The following NDUFA3 variants were observed in gnomAD, a reference collection of about 807,000 sequenced individuals.
NDUFA3 encodes NADH dehydrogenase [ubiquinone] 1 alpha subcomplex subunit 3.
Under a neutral mutation model 11.4 loss-of-function variants are expected in NDUFA3, and 10 were observed. The ratio of observed to expected loss-of-function variants is 0.87; its 90% CI spans 0.54 to 1.48. The LOEUF is 1.48. Ranked by LOEUF, NDUFA3 falls within the 40% of genes most tolerant of loss-of-function variation. The pLI is 0.00. For missense variants in NDUFA3, 115 were observed against 110.5 expected, an observed-to-expected ratio of 1.04 and a Z score of -0.18; for synonymous variants, 39 against 46.9, an observed-to-expected ratio of 0.83 and a Z score of 0.68.
chr19:54,105,670 C>T (rs1289509085), intron 2 of NDUFA3: 4 of 684,086 alleles, frequency 5.8e-6, no homozygotes, highest in Non-Finnish European at 1.1e-5. Context: ...CCATGACCAA[C>T]CCCACTGCTG....
intron 1 of NDUFA3, 51 bp from the exon 2 acceptor site, chr19:54,103,063 G>A (rs1309795059): frequency 5.0e-6 from 8 of 1,592,860 alleles, no homozygotes; most frequent in African/African-American, 1.3e-5. Context: ...AGGGTTAGAG[G>A]TCACCGGGGG....
rs1485693369 is a variant in NDUFA3 at position 54,107,204 on chromosome 19, T to C, written c.*302T>C. 1.9e-6 allele frequency: 3 copies of C among 1,584,592 alleles called. No individual in the cohort carries two copies. In the African/African-American group the frequency reaches 4.1e-5, roughly 22 times the overall value. On this transcript the variant is annotated 3_prime_UTR_variant, in exon 4 of 4. Transcript: ENST00000485876. The stretch of plus-strand genomic sequence containing the variant: ...ATAAGGAACAAGGTGTTAACAGGCC[T>C]GGGAATCTAGAAAATCCCATCAGCT...
rs2073306534 is a variant in NDUFA3 at position 54,107,542 on chromosome 19, C to T, written c.*640C>T. 3.4e-6 allele frequency: 1 copy of T among 297,602 alleles called. No individual in the cohort carries two copies. The highest frequency in any genetic ancestry group is 6.3e-6 in the Non-Finnish European group (1 of 159,236). 18.4% of individuals were successfully genotyped at this position (297,602 alleles called of 1,614,324 possible). A position where few individuals can be genotyped will look rare whatever the true frequency, so the allele number is the denominator to read the frequency against. ...GGGATTACAGGCATGAGCCACTGCA[C>T]CTGGCCAGCCTCACAGTTCTTGTCT... On this transcript the variant is annotated 3_prime_UTR_variant, in exon 4 of 4. Transcript: ENST00000485876.
At position 54,102,896 on chromosome 19, in the gene NDUFA3, C is replaced by T; in HGVS notation, c.10+8C>T. On this transcript the variant is annotated splice_region_variant and intron_variant, in intron 1 of 3. Transcript: ENST00000485876. ...AGACAAAGATGGCTGCGAGTAAGTG[C>T]AGGTGCCGGTGGCGCACGGGGCTCG... The T allele has an allele frequency of 6.2e-7, 1 of 1,610,010 alleles. No homozygotes were observed.
chr19:54,102,966 C>T, intron 1 of NDUFA3, 78 bp downstream of exon 1: 7 of 1,571,872 alleles, frequency 4.5e-6, no homozygotes, highest in Non-Finnish European at 6.1e-6. Context: ...TGAGGTGCGG[C>T]AGGGCAGGGG....
Position 54,105,264 on chromosome 19 carries a change from C to CTTTTTTTTTTTTTTTTTTTTTTTTTT in NDUFA3, c.86-649_86-648insTTTTTTTTTTTTTTTTTTTTTTTTTT, listed in dbSNP as rs796770972. Among the ~76,000 whole-genome samples, 10 of 71,262 alleles carry CTTTTTTTTTTTTTTTTTTTTTTTTTT rather than the reference C, an allele frequency of 1.4e-4. 2 individuals are homozygous for CTTTTTTTTTTTTTTTTTTTTTTTTTT. The highest frequency in any genetic ancestry group is 2.0e-4 in the Non-Finnish European group (8 of 39,668). The allele number at this position is 71,262 out of a possible 152,430, so 46.8% of individuals were successfully genotyped here. A position where few individuals can be genotyped will look rare whatever the true frequency, so the allele number is the denominator to read the frequency against. On this transcript the variant is annotated intron_variant, in intron 2 of 3. Coordinates refer to ENST00000485876, the MANE Select transcript of NDUFA3 (RefSeq NM_004542.4). ...ACCCTTTCTCCTCCAGTTTGTAAGG[C>CTTTTTTTTTTTTTTTTTTTTTTTTTT]TTTTTTTTTTTTTTTTTTTTTGGTG...
intron 3 of NDUFA3, chr19:54,106,230 G>A (rs916177149): frequency 3.9e-5 from 22 of 561,922 alleles, no homozygotes; most frequent in Admixed American, 6.5e-5. Context: ...ACAGAGTCTC[G>A]CTCTGTCGCC....
At position 54,107,271 on chromosome 19, in the gene NDUFA3, C is replaced by T. The variant is rs1475105411; in HGVS notation, c.*369C>T. ...CATTTTGTTTTGCTTTTTAAAGAGA[C>T]AGGGTCTCACTCTGTTGCCCAGGCT... is the stretch of plus-strand genomic sequence containing the variant. On this transcript the variant is annotated 3_prime_UTR_variant, in exon 4 of 4. Coordinates refer to ENST00000485876, the MANE Select transcript of NDUFA3 (RefSeq NM_004542.4). The T allele has an allele frequency of 2.0e-6, 3 of 1,492,004 alleles. No individual in the cohort carries two copies. The highest frequency in any genetic ancestry group is 2.7e-6 in the Non-Finnish European group (3 of 1,103,942). The allele number at this position is 1,492,004 out of a possible 1,614,324, so 92.4% of individuals were successfully genotyped here.
At position 54,107,308 on chromosome 19, in the gene NDUFA3, G is replaced by T. The variant is rs1212342647; in HGVS notation, c.*406G>T. ...CTGTTGCCCAGGCTGGAGTGCAGTG[G>T]TGCCATCATAGTTCACTGCAGCCTC... On this transcript the variant is annotated 3_prime_UTR_variant, in exon 4 of 4. Coordinates refer to ENST00000485876, the MANE Select transcript of NDUFA3 (RefSeq NM_004542.4). The T allele has an allele frequency of 1.7e-6, 2 of 1,170,794 alleles. No homozygotes were observed. The highest frequency in any genetic ancestry group is 2.3e-5 in the Admixed American group (1 of 43,948). The allele number at this position is 1,170,794 out of a possible 1,614,324, so 72.5% of individuals were successfully genotyped here.
At chr19:54,104,716 G>A (rs1463467347) in intron 2 of NDUFA3, among the ~76,000 whole-genome samples, 2 of 149,610 alleles carry the variant, frequency 1.3e-5, no homozygotes, top group Non-Finnish European at 3.0e-5. Flanking sequence ...GTGATGTTTT[G>A]GATGTACTAT....
In NDUFA3 at chr19:54,105,264, C is replaced by CTTTTTTTTTTTTTTTTTTTTTTTTT. The variant is rs796770972; in HGVS notation, c.86-649_86-648insTTTTTTTTTTTTTTTTTTTTTTTTT. On this transcript the variant is annotated intron_variant, in intron 2 of 3. Coordinates refer to ENST00000485876, the MANE Select transcript of NDUFA3 (RefSeq NM_004542.4). ...ACCCTTTCTCCTCCAGTTTGTAAGGCTTTTTTTTTTTTTTTTTTTTTGGTG... is the reference window on the plus strand; with the variant it reads ...ACCCTTTCTCCTCCAGTTTGTAAGGCTTTTTTTTTTTTTTTTTTTTTTTTTTTTTTTTTTTTTTTTTTTTTTGGTG... Among the ~76,000 whole-genome samples the CTTTTTTTTTTTTTTTTTTTTTTTTT allele has an allele frequency of 1.7e-4, 12 of 71,260 alleles. 2 individuals carry two copies. The highest frequency in any genetic ancestry group is 8.5e-4 in the East Asian group (2 of 2,366). 46.7% of individuals were successfully genotyped at this position (71,260 alleles called of 152,430 possible). A position where few individuals can be genotyped will look rare whatever the true frequency, so the allele number is the denominator to read the frequency against.
chr19:54,106,067 G>C (rs184064268), intron 3 of NDUFA3, 56 bp downstream of exon 3: 1 of 1,511,594 alleles, frequency 6.6e-7, no homozygotes, highest in South Asian at 1.1e-5. Flanking sequence ...CTGTGCTGGC[G>C]TAAGGGCAGT....
At chr19:54,106,570 TC>T (rs1184530705) in intron 3 of NDUFA3, 3 of 465,376 alleles carry the variant, frequency 6.4e-6, no homozygotes, top group African/African-American at 6.1e-5. Flanking sequence ...CTGTCCTGTT[TC>T]CCCATCTCTT....
At chr19:54,105,263 G>GTTTTTTTTTTTTTTTTTT in intron 2 of NDUFA3, among the ~76,000 whole-genome samples, 1 of 38,998 alleles carries the variant, frequency 2.6e-5, no homozygotes, top group Non-Finnish European at 5.4e-5. Flanking sequence ...AGTTTGTAAG[G>GTTTTTTTTTTTTTTTTTT]CTTTTTTTTT....
At position 54,106,864 on chromosome 19, in the gene NDUFA3, C is replaced by T. The variant is rs1568561562; in HGVS notation, c.217C>T (p.Pro73Ser). Residue 73 changes from proline (P) to serine (S), a missense_variant, in exon 4 of 4, where the codon CCT (proline) becomes TCT (serine). Pro to Ser is a moderately conservative substitution (Grantham distance 74). Transcript: ENST00000485876. ...CGACGTGCCCAGCCACCCCCAGGAC[C>T]CTCAGGGCCCCAGCCTGGAGTGGCT... ...MPDVPSHPQDPQGPSLEWLKK... is the reference protein window; with the variant it reads ...MPDVPSHPQDSQGPSLEWLKK... 9.9e-6 allele frequency: 16 copies of T among 1,613,756 alleles called. No individual in the cohort carries two copies. Among genetic ancestry groups the T allele is most frequent in the Non-Finnish European group, 1.3e-5 (15 of 1,179,918 alleles).
chr19:54,103,084 C>G (rs762868742), intron 1 of NDUFA3, 30 bp from the exon 2 acceptor site: 12 of 1,606,322 alleles, frequency 7.5e-6, no homozygotes, highest in Non-Finnish European at 9.4e-6. Context: ...CAGCTACTTG[C>G]AGGGGTGACG....
At position 54,103,132 on chromosome 19, in the gene NDUFA3, A is replaced by C. The variant is rs777072246; in HGVS notation, c.29A>C (p.Lys10Thr). 6.2e-7 allele frequency: 1 copy of C among 1,612,178 alleles called. No homozygotes were observed. The highest frequency in any genetic ancestry group is 8.5e-7 in the Non-Finnish European group (1 of 1,178,956). The change falls in exon 2 of 4, where the codon AAG becomes ACG. Residue 10 changes from lysine (K) to threonine (T), a missense_variant. Physicochemically the swap from Lys to Thr is moderately conservative, Grantham distance 78 (BLOSUM62 -1). Transcript: ENST00000485876. The part of the protein sequence containing the change: MAARVGAFL[K>T]NAWDKEPVLV... Reference sequence around the variant, plus strand: ...CCTTCAGGAGTCGGCGCCTTCCTCAAGAATGCCTGGGACAAGGAGCCAGTG... The same window carrying C: ...CCTTCAGGAGTCGGCGCCTTCCTCACGAATGCCTGGGACAAGGAGCCAGTG...
chr19:54,104,098 G>T (rs587612500), intron 2 of NDUFA3, among the ~76,000 whole-genome samples: 1 of 148,176 alleles, frequency 6.7e-6, no homozygotes, highest in South Asian at 2.1e-4. Flanking sequence ...CTCCCAAAGT[G>T]CTGGGATTAC....
chr19:54,106,691 C>T lies in NDUFA3; in HGVS notation c.164-120C>T, dbSNP rs587698456. On this transcript the variant is annotated intron_variant, in intron 3 of 3. Transcript: ENST00000485876. Reference sequence around the variant, plus strand: ...TCTTTCTGCATCACTGATTCTCTGACCCTTCCCCTCTCACCCCTGGGGTCC... The same window carrying T: ...TCTTTCTGCATCACTGATTCTCTGATCCTTCCCCTCTCACCCCTGGGGTCC... The T allele has an allele frequency of 4.2e-6, 3 of 713,660 alleles. No homozygotes were observed. In the South Asian group the frequency reaches 6.5e-5, roughly 15 times the overall value. The allele number at this position is 713,660 out of a possible 1,614,324, so 44.2% of individuals were successfully genotyped here. A position where few individuals can be genotyped will look rare whatever the true frequency, so the allele number is the denominator to read the frequency against.
Sources: gnomAD v4.1 joint callset for allele counts (sites outside exome capture counted in the v4.1 genomes callset) on GRCh38, gnomAD v4.1.1 for gene constraint, MANE v1.5 for transcripts, NCBI Gene and HGNC (gene_info 2026-07-23, HGNC 2026-07-21) for gene names.